Variants in ELOVL2 observed in about 807,000 individuals in gnomAD.
ELOVL2 encodes the protein ELOVL fatty acid elongase 2.
Under a neutral mutation model 37.7 loss-of-function variants are expected in ELOVL2, and 38 were observed. That is an observed-to-expected ratio of 1.01 (90% CI 0.78 to 1.32). The LOEUF (loss-of-function observed/expected upper bound fraction) is 1.32, where lower values mean the gene tolerates loss of function less well. Among genes scored for constraint, ELOVL2 ranks in the 40% most tolerant of loss-of-function variants. The probability of loss-of-function intolerance (pLI) is 0.00; values close to 1 mark genes in which losing one functional copy is unlikely to be tolerated. For synonymous variants in ELOVL2, 115 were observed against 122.3 expected, an observed-to-expected ratio of 0.94 and a Z score of 0.40; for missense variants, 352 against 363.6, an observed-to-expected ratio of 0.97 and a Z score of 0.26.
rs183972384 is a variant in ELOVL2 at position 11,030,327 on chromosome 6, C to T, written c.3+13901G>A. On this transcript the variant is annotated intron_variant, in intron 1 of 7. Transcript: ENST00000354666. ...CTGTAGCTCATCTGTCCTAGATGTG[C>T]TATTCTTAACAGACCTCTGATCTGG... Among the ~76,000 whole-genome samples the T allele has an allele frequency of 6.9e-3, 1,051 of 152,234 alleles. 3 individuals carry two copies. The highest frequency in any genetic ancestry group is 9.8e-3 in the Non-Finnish European group (665 of 68,004).
At chr6:11,015,754 G>C (rs1782674662) in intron 1 of ELOVL2, 1 of 152,108 alleles carries the variant, frequency 6.6e-6, no homozygotes, top group Non-Finnish European at 1.5e-5. Context: ...GAGCCAAGAA[G>C]GACACACTTC....
At chr6:10,985,385 T>A (rs1342259383) in intron 7 of ELOVL2, among the ~76,000 whole-genome samples, 4 of 149,588 alleles carry the variant, frequency 2.7e-5, no homozygotes, top group African/African-American at 1.0e-4. Context: ...ATTTGTCAAT[T>A]TTGGCTTTTG....
intron 4 of ELOVL2, among the ~76,000 whole-genome samples, chr6:10,996,786 G>GAGGTAGGGAGGCCGAGGCAGGTGC (rs1561715876): frequency 2.1e-3 from 317 of 152,288 alleles, no homozygotes; most frequent in African/African-American, 7.0e-3. Flanking sequence ...GAGGCAGGTG[G>GAGGTAGGGAGGCCGAGGCAGGTGC]ATCACCTGAG....
rs905117345 is a variant in ELOVL2, at chr6:10,992,810, C to CA, written c.505+2196dup. ...TCAAAAAAAACAAAACAAAAAAAAA[C>CA]AAAAAAAAACAGGATTAAAAAATAT... is the stretch of plus-strand genomic sequence containing the variant. On this transcript the variant is annotated intron_variant, in intron 5 of 7. Transcript: ENST00000354666. 9.4e-3 allele frequency among the ~76,000 whole-genome samples: 1,251 copies of CA among 132,654 alleles called. 11 individuals carry two copies. The highest frequency in any genetic ancestry group is 0.029 in the African/African-American group (1,055 of 36,294). 87.0% of individuals were successfully genotyped at this position (132,654 alleles called of 152,430 possible).
At position 10,995,127 on chromosome 6, in the gene ELOVL2, C is replaced by A; in HGVS notation, c.385G>T (p.Asp129Tyr). The part of the protein sequence containing the change: ...YYFSKSVEFL[D>Y]TIFFVLRKKT... Reference sequence around the variant, plus strand: ...TTCCGCAAAACGAAGAAAATTGTGTCCAGGAACTCTACTGATTTGGAGAAA... The same window carrying A: ...TTCCGCAAAACGAAGAAAATTGTGTACAGGAACTCTACTGATTTGGAGAAA... Residue 129 changes from aspartate (D) to tyrosine (Y), a missense_variant, in exon 5 of 8, where the codon GAC becomes TAC. Transcript: ENST00000354666. 1.2e-6 allele frequency: 2 copies of A among 1,613,410 alleles called. No individual in the cohort carries two copies. The highest frequency in any genetic ancestry group is 1.1e-5 in the South Asian group (1 of 90,932).
chr6:11,002,888 T>C (rs143698820), intron 3 of ELOVL2, among the ~76,000 whole-genome samples: 2 of 152,366 alleles, frequency 1.3e-5, no homozygotes, highest in African/African-American at 2.4e-5. Context: ...TACATGCTGA[T>C]TGAACAGAAG....
intron 2 of ELOVL2, among the ~76,000 whole-genome samples, chr6:11,006,107 G>A (rs1353291672): frequency 2.6e-5 from 4 of 152,142 alleles, no homozygotes; most frequent in South Asian, 2.1e-4. Flanking sequence ...ACACAGCTCC[G>A]AATTTGCCTA....
chr6:10,995,121 T>C lies in ELOVL2; in HGVS notation c.391A>G (p.Ile131Val), dbSNP rs769883226. The C allele has an allele frequency of 1.5e-5, 25 of 1,613,248 alleles. No individual in the cohort carries two copies. The highest frequency in any genetic ancestry group is 1.0e-4 in the Admixed American group (6 of 59,934). Reference protein sequence around the residue: ...FSKSVEFLDTIFFVLRKKTSQ... With the variant: ...FSKSVEFLDTVFFVLRKKTSQ... ...GTTTTTTTCCGCAAAACGAAGAAAA[T>C]TGTGTCCAGGAACTCTACTGATTTG... The change falls in exon 5 of 8, where the codon ATT becomes GTT. Residue 131 changes from isoleucine (I) to valine (V), a missense_variant. By Grantham distance (29) the Ile-to-Val change is conservative (BLOSUM62 3). Transcript: ENST00000354666.
intron 7 of ELOVL2, among the ~76,000 whole-genome samples, chr6:10,984,907 C>G (rs573763340): frequency 1.3e-5 from 2 of 152,152 alleles, no homozygotes; most frequent in Admixed American, 6.5e-5. Context: ...AATGGTATTT[C>G]TAGTTCTAGA....
At chr6:10,999,346 C>T (rs1348716194) in intron 4 of ELOVL2, among the ~76,000 whole-genome samples, 1 of 151,606 alleles carries the variant, frequency 6.6e-6, no homozygotes, top group Non-Finnish European at 1.5e-5. Flanking sequence ...CTCCTGTATC[C>T]CCTCTGCCCT....
chr6:11,002,604 A>G (rs1782407802), intron 3 of ELOVL2, among the ~76,000 whole-genome samples: 1 of 152,196 alleles, frequency 6.6e-6, no homozygotes, highest in African/African-American at 2.4e-5. Flanking sequence ...AGAGTGGGTA[A>G]GCAGTAGATA....
chr6:11,008,348 C>T (rs1215697571), intron 2 of ELOVL2, among the ~76,000 whole-genome samples: 4 of 152,224 alleles, frequency 2.6e-5, no homozygotes, highest in Non-Finnish European at 4.4e-5. Context: ...TTCCAGATCA[C>T]GCCAATCTTA....
rs572077750 is a variant in ELOVL2, at chr6:11,002,105, C to T, written c.256-1941G>A. On this transcript the variant is annotated intron_variant, in intron 3 of 7. Transcript: ENST00000354666. Reference sequence around the variant, plus strand: ...GTCATTAAAATCCTCCAATAGCTTTCCATTACACTTAGAGTGCAAGCCAAA... The same window carrying T: ...GTCATTAAAATCCTCCAATAGCTTTTCATTACACTTAGAGTGCAAGCCAAA... Among the ~76,000 whole-genome samples the T allele has an allele frequency of 2.0e-5, 3 of 152,280 alleles. No homozygotes were observed. The East Asian group carries it at 5.8e-4, about 29-fold the overall frequency.
intron 1 of ELOVL2, among the ~76,000 whole-genome samples, chr6:11,028,209 T>G (rs1455952395): frequency 6.6e-6 from 1 of 152,228 alleles, no homozygotes; most frequent in Non-Finnish European, 1.5e-5. Context: ...CTTTTCCTCT[T>G]TGGAGATTTG....
chr6:11,044,170 G>T lies in ELOVL2; in HGVS notation c.3+58C>A. The T allele has an allele frequency of 1.4e-6, 2 of 1,443,972 alleles. No homozygotes were observed. Among genetic ancestry groups the T allele is most frequent in the East Asian group, 5.9e-5 (2 of 33,716 alleles). The allele number at this position is 1,443,972 out of a possible 1,614,324, so 89.4% of individuals were successfully genotyped here. The stretch of plus-strand genomic sequence containing the variant: ...CTCGGCCCTTTCCCGCCCGGTGCGT[G>T]GGTCCAGGAGAGAAAGAAAGCGCGG... On this transcript the variant is annotated intron_variant, in intron 1 of 7. Coordinates refer to ENST00000354666, the MANE Select transcript of ELOVL2 (RefSeq NM_017770.4). The surrounding 1 kb of genome is among the most constrained non-coding windows in gnomAD (Gnocchi z 5.6).
intron 1 of ELOVL2, among the ~76,000 whole-genome samples, chr6:11,013,475 G>T (rs1782618770): frequency 6.6e-6 from 1 of 152,192 alleles, no homozygotes; most frequent in South Asian, 2.1e-4. Context: ...GACAATGTCT[G>T]AAGATTAACA....
intron 7 of ELOVL2, 31 bp downstream of exon 7, chr6:10,989,672 T>C: frequency 6.2e-7 from 1 of 1,602,784 alleles, no homozygotes; most frequent in Middle Eastern, 1.7e-4. Flanking sequence ...ATCGATTACA[T>C]TTTACTGCTG....
At chr6:11,002,459 C>T (rs1316051820) in intron 3 of ELOVL2, among the ~76,000 whole-genome samples, 1 of 152,126 alleles carries the variant, frequency 6.6e-6, no homozygotes, top group African/African-American at 2.4e-5. Flanking sequence ...TTAAACATAC[C>T]CCCAGAGTGT....
intron 1 of ELOVL2, among the ~76,000 whole-genome samples, chr6:11,013,868 C>CAA (rs57378623): frequency 0.013 from 1,749 of 136,778 alleles, 19 homozygotes; most frequent in South Asian, 0.029. Flanking sequence ...CTCCACAAAG[C>CAA]AAAAAAAAAA....
Sources: gnomAD v4.1 joint callset for allele counts (sites outside exome capture counted in the v4.1 genomes callset) on GRCh38, gnomAD v4.1.1 for gene constraint, Gnocchi (gnomAD v3.1) non-coding constraint, MANE v1.5 for transcripts, NCBI Gene and HGNC (gene_info 2026-07-23, HGNC 2026-07-21) for gene names.